VOPP1: variants seen among roughly 807,000 people sequenced by gnomAD.
VOPP1 encodes the protein WW domain binding protein VOPP1.
Under a neutral mutation model 23.5 loss-of-function variants are expected in VOPP1, and 8 were observed. The ratio of observed to expected loss-of-function variants is 0.34; its 90% CI spans 0.20 to 0.61. The LOEUF (loss-of-function observed/expected upper bound fraction) is 0.61, where lower values mean the gene tolerates loss of function less well. Among genes scored for constraint, VOPP1 ranks in the 20% least tolerant of loss-of-function variants. The pLI, the probability that VOPP1 is intolerant of heterozygous loss-of-function variation, is 0.78. For missense variants in VOPP1, 174 were observed against 238.1 expected (o/e 0.73, Z 1.77); for synonymous variants, 83 against 97.3 (o/e 0.85, Z 0.86).
chr7:55,495,131 C>T (rs553697120), intron 3 of VOPP1, among the ~76,000 whole-genome samples: 1 of 152,136 alleles, frequency 6.6e-6, no homozygotes, highest in Admixed American at 6.5e-5. Context: ...CCTGCCCAGA[C>T]CCCACTCAGG....
chr7:55,524,925 G>A (rs943472385), intron 1 of VOPP1, among the ~76,000 whole-genome samples: 1 of 152,202 alleles, frequency 6.6e-6, no homozygotes, highest in Admixed American at 6.5e-5. Context: ...TAGAGCTGTG[G>A]TCAAAGGGGA....
At chr7:55,485,736 G>A (rs1041045899) in intron 4 of VOPP1, among the ~76,000 whole-genome samples, 3 of 152,206 alleles carry the variant, frequency 2.0e-5, no homozygotes, top group African/African-American at 7.2e-5. Flanking sequence ...AGTGACAGAC[G>A]GCAGGTTGGA....
chr7:55,501,678 C>T (rs1408761067), intron 2 of VOPP1, among the ~76,000 whole-genome samples: 1 of 152,220 alleles, frequency 6.6e-6, no homozygotes, highest in Non-Finnish European at 1.5e-5. Flanking sequence ...TGAATACCCT[C>T]TCAAATTGGA....
At chr7:55,542,673 C>T (rs1797183870) in intron 1 of VOPP1, among the ~76,000 whole-genome samples, 1 of 152,026 alleles carries the variant, frequency 6.6e-6, no homozygotes, top group South Asian at 2.1e-4. Context: ...CCTACAATCC[C>T]AGCTACTTGG....
intron 1 of VOPP1, among the ~76,000 whole-genome samples, chr7:55,539,864 C>T (rs1478811091): frequency 2.0e-5 from 3 of 150,974 alleles, no homozygotes; most frequent in Non-Finnish European, 4.4e-5. Flanking sequence ...TTGTCATACA[C>T]ACAACATAAC....
intron 1 of VOPP1, among the ~76,000 whole-genome samples, chr7:55,568,936 A>G (rs10230195): frequency 0.33 from 50,761 of 152,062 alleles, 9,071 homozygotes; most frequent in Non-Finnish European, 0.41. Context: ...CTGGCGGAAC[A>G]AAGGCATAGA....
intron 1 of VOPP1, among the ~76,000 whole-genome samples, chr7:55,541,279 T>C (rs889650599): frequency 1.1e-4 from 17 of 152,304 alleles, no homozygotes; most frequent in African/African-American, 3.8e-4. Context: ...TTAATAAACA[T>C]GTTATTTTTT....
chr7:55,478,834 G>T (rs1476635812), intron 4 of VOPP1, among the ~76,000 whole-genome samples: 1 of 152,230 alleles, frequency 6.6e-6, no homozygotes, highest in Non-Finnish European at 1.5e-5. Context: ...TTCAAAAGCG[G>T]AAGTCCAAAT....
chr7:55,493,803 G>A (rs184706093), intron 3 of VOPP1, among the ~76,000 whole-genome samples: 10 of 152,310 alleles, frequency 6.6e-5, no homozygotes, highest in Admixed American at 5.2e-4. Flanking sequence ...AATGAGCGAT[G>A]CAAGAAGAAT....
At position 55,514,431 on chromosome 7, in the gene VOPP1, C is replaced by A. The variant is rs150710731; in HGVS notation, c.113+6641G>T. On this transcript the variant is annotated intron_variant, in intron 2 of 4. Transcript: ENST00000285279. ...ATGGCATAGCAGGTCTAGAGACGATCTCTTGAACTCCAGCCCCTTAAATAT... is the reference window on the plus strand; with the variant it reads ...ATGGCATAGCAGGTCTAGAGACGATATCTTGAACTCCAGCCCCTTAAATAT... 2.0e-3 allele frequency among the ~76,000 whole-genome samples: 305 copies of A among 152,320 alleles called. 2 individuals are homozygous for A. The highest frequency in any genetic ancestry group is 6.9e-3 in the East Asian group (36 of 5,184).
intron 4 of VOPP1, among the ~76,000 whole-genome samples, chr7:55,459,880 T>A (rs191363900): frequency 2.6e-5 from 4 of 152,240 alleles, no homozygotes; most frequent in Non-Finnish European, 5.9e-5. Flanking sequence ...TGTTCTGATA[T>A]TTACTATACT....
intron 1 of VOPP1, among the ~76,000 whole-genome samples, chr7:55,570,951 G>T (rs1479100845): frequency 1.3e-5 from 2 of 151,864 alleles, no homozygotes; most frequent in African/African-American, 2.4e-5. Context: ...CAAAACTAAA[G>T]AAATAAATAA....
intron 1 of VOPP1, chr7:55,521,752 G>A: frequency 1.0e-6 from 1 of 986,856 alleles, no homozygotes; most frequent in Non-Finnish European, 1.2e-6. Flanking sequence ...GGCAGGGCAG[G>A]GCAGGGTGGG....
intron 2 of VOPP1, among the ~76,000 whole-genome samples, chr7:55,498,923 C>T (rs779508802): frequency 1.3e-5 from 2 of 152,076 alleles, no homozygotes; most frequent in Non-Finnish European, 2.9e-5. Flanking sequence ...TCTTTGTAAA[C>T]ACCCCGCACC....
intron 1 of VOPP1, among the ~76,000 whole-genome samples, chr7:55,552,379 T>C (rs1797645780): frequency 6.6e-6 from 1 of 152,142 alleles, no homozygotes; most frequent in Non-Finnish European, 1.5e-5. Context: ...GGGTGGGAAA[T>C]AGTTTCCCAT....
At chr7:55,467,528 A>G (rs1791663508), downstream of VOPP1, among the ~76,000 whole-genome samples, 1 of 152,206 alleles carries the variant, frequency 6.6e-6, no homozygotes, top group African/African-American at 2.4e-5. Flanking sequence ...CTTCCCCATC[A>G]GTCAACCCAC....
At chr7:55,473,788 G>T (rs1792025183) in intron 4 of VOPP1, among the ~76,000 whole-genome samples, 1 of 152,244 alleles carries the variant, frequency 6.6e-6, no homozygotes, top group Non-Finnish European at 1.5e-5. Context: ...AAAGTGCTGG[G>T]TGTTCCCTGG....
At chr7:55,529,364 CAAAAAAAAAAAAAAAA>C (rs58601889) in intron 1 of VOPP1, among the ~76,000 whole-genome samples, 3 of 107,500 alleles carry the variant, frequency 2.8e-5, no homozygotes, top group Admixed American at 1.8e-4. Context: ...GATTCCGTCT[CAAAAAAAAAAAAAAAA>C]AAAAAAAAAG....
At chr7:55,517,087 G>A (rs531896982) in intron 2 of VOPP1, among the ~76,000 whole-genome samples, 1 of 149,696 alleles carries the variant, frequency 6.7e-6, no homozygotes, top group African/African-American at 2.5e-5. Context: ...CTACAGGCTT[G>A]TGCTACCATG....
Sources: allele counts gnomAD v4.1 joint callset (sites outside exome capture counted in the v4.1 genomes callset), GRCh38; gene constraint gnomAD v4.1.1; transcripts MANE v1.5; gene names NCBI Gene and HGNC (gene_info 2026-07-23, HGNC 2026-07-21).